MACF1: variants seen among roughly 807,000 people sequenced by gnomAD.
MACF1 encodes the protein microtubule-actin cross-linking factor 1.
A neutral mutation model predicts 854.8 loss-of-function variants in MACF1; 193 were observed. The observed-to-expected ratio is 0.23, with a 90% CI of 0.20 to 0.25. The LOEUF (loss-of-function observed/expected upper bound fraction) is 0.25. Ranked by LOEUF, MACF1 falls within the 10% of genes least tolerant of loss-of-function variation. The pLI, the probability that MACF1 is intolerant of heterozygous loss-of-function variation, is 1.00. For synonymous variants in MACF1, 3,185 were observed against 3,226.7 expected (o/e 0.99, Z 0.44); for missense variants, 7,722 against 8,929.1 (o/e 0.86, Z 5.45).
intron 52 of MACF1, among the ~76,000 whole-genome samples, chr1:39,374,682 G>C (rs12068102): frequency 2.1e-3 from 317 of 152,188 alleles, no homozygotes; most frequent in African/African-American, 7.2e-3. Flanking sequence ...GTAAAACTTT[G>C]TTGAAACAAA....
chr1:39,298,365 A>G (rs1645968273), intron 21 of MACF1, among the ~76,000 whole-genome samples: 2 of 152,168 alleles, frequency 1.3e-5, no homozygotes, highest in South Asian at 2.1e-4. Flanking sequence ...TCTCCAATGA[A>G]TTATTTCTTC....
intron 36 of MACF1, among the ~76,000 whole-genome samples, chr1:39,329,018 A>G (rs1052646349): frequency 3.9e-5 from 6 of 152,230 alleles, no homozygotes; most frequent in African/African-American, 1.4e-4. Flanking sequence ...ATAGTCTTTC[A>G]TGGATTTTCT....
At chr1:39,158,814 TGGTGAC>T (rs1643740557) in intron 2 of MACF1, among the ~76,000 whole-genome samples, 1 of 152,162 alleles carries the variant, frequency 6.6e-6, no homozygotes, top group African/African-American at 2.4e-5. Flanking sequence ...GAGGCTTCTC[TGGTGAC>T]GTCACTTGTA....
intron 2 of MACF1, among the ~76,000 whole-genome samples, chr1:39,148,894 T>C (rs530156223): frequency 6.6e-6 from 1 of 152,246 alleles, no homozygotes; most frequent in Non-Finnish European, 1.5e-5. Flanking sequence ...ACCATGTGGT[T>C]GGGTTTTACA....
At chr1:39,190,395 G>GTTTTTTTTTTTTTT (rs750262685) in intron 2 of MACF1, among the ~76,000 whole-genome samples, 10 of 79,030 alleles carry the variant, frequency 1.3e-4, no homozygotes, top group Admixed American at 3.6e-4. Context: ...GTGTGTGTTT[G>GTTTTTTTTTTTTTT]TTTTTGTTTT....
intron 72 of MACF1, among the ~76,000 whole-genome samples, chr1:39,439,940 GA>G (rs1170614480): frequency 2.0e-5 from 3 of 151,350 alleles, no homozygotes; most frequent in Non-Finnish European, 4.4e-5. Context: ...TTCTCCAATT[GA>G]AAAAAACCTG....
rs550326338 is a variant in MACF1 at position 39,481,099 on chromosome 1, C to A, written c.22281+69C>A. 93 of 920,498 alleles carry A rather than the reference C, an allele frequency of 1.0e-4. 1 individual carries two copies. The African/African-American group carries it at 1.2e-3, about 12-fold the overall frequency. The allele number at this position is 920,498 out of a possible 1,614,324, so 57.0% of individuals were successfully genotyped here. ...CCCTCGCTACTGGACTTGACCAGCT[C>A]TTCTTCCTGACACGAATCCCTGCAC... On this transcript the variant is annotated intron_variant, in intron 99 of 100. Coordinates refer to ENST00000564288, the MANE Select transcript of MACF1 (RefSeq NM_001394062.1).
intron 2 of MACF1, among the ~76,000 whole-genome samples, chr1:39,193,396 G>A (rs188217893): frequency 2.0e-5 from 3 of 152,218 alleles, no homozygotes; most frequent in Admixed American, 1.3e-4. Context: ...CAATGCTGTC[G>A]AAGCCTAATT....
In MACF1 at chr1:39,444,672, C is replaced by G. The variant is rs1011020943; in HGVS notation, c.19442C>G (p.Ser6481Cys). 1 of 1,610,618 alleles carries G rather than the reference C, an allele frequency of 6.2e-7. No homozygotes were observed. Among genetic ancestry groups the G allele is most frequent in the East Asian group, 2.2e-5 (1 of 44,830 alleles). ...EQLDTHMELY[S>C]QLKAKEETYN... ...TGCCTTTTCTTGTAGGAACTCTATT[C>G]CCAGCTGAAAGCCAAGGAAGAGACT... The change falls in exon 80 of 101, where the codon TCC (serine) becomes TGC (cysteine). Residue 6481 changes from serine to cysteine, a missense_variant. Ser to Cys is a moderately radical substitution (Grantham distance 112). Coordinates refer to ENST00000564288, the MANE Select transcript of MACF1 (RefSeq NM_001394062.1).
chr1:39,190,395 GTTTTTGTTTTTTT>G, intron 2 of MACF1, among the ~76,000 whole-genome samples: 1 of 79,058 alleles, frequency 1.3e-5, no homozygotes, highest in South Asian at 5.2e-4. Flanking sequence ...GTGTGTGTTT[GTTTTTGTTTTTTT>G]TTTTTTTTTT....
At chr1:39,285,880 A>G in intron 14 of MACF1, 122 bp downstream of exon 14, 2 of 1,074,880 alleles carry the variant, frequency 1.9e-6, no homozygotes, top group Admixed American at 2.2e-5. Flanking sequence ...CAGTGTCTCA[A>G]TGGGGATACT....
At chr1:39,443,358 A>G in intron 78 of MACF1, 88 bp from the exon 79 acceptor site, 2 of 1,430,654 alleles carry the variant, frequency 1.4e-6, no homozygotes, top group Middle Eastern at 1.8e-4. Flanking sequence ...TTCCTTCCTC[A>G]AGATAAACTC....
chr1:39,326,300 A>G (rs957225775), intron 35 of MACF1, among the ~76,000 whole-genome samples: 8 of 152,206 alleles, frequency 5.3e-5, no homozygotes, highest in African/African-American at 1.9e-4. Flanking sequence ...AGAGGTGGTT[A>G]CCTTTGGGAA....
intron 25 of MACF1, 99 bp downstream of exon 25, chr1:39,310,527 C>A: frequency 7.7e-7 from 1 of 1,294,988 alleles, no homozygotes. Flanking sequence ...AACATCACCA[C>A]TTTTTTCCAT....
chr1:39,394,873 C>T (rs533010783), intron 58 of MACF1, among the ~76,000 whole-genome samples: 1 of 152,228 alleles, frequency 6.6e-6, no homozygotes, highest in South Asian at 2.1e-4. Context: ...GTTTAGGTTT[C>T]CCCAGCTTTA....
intron 1 of MACF1, among the ~76,000 whole-genome samples, chr1:39,218,299 A>C (rs1173101484): frequency 6.6e-6 from 1 of 152,204 alleles, no homozygotes; most frequent in Non-Finnish European, 1.5e-5. Context: ...TGGAGATAAA[A>C]ATAAAATTTT....
intron 90 of MACF1, 179 bp downstream of exon 90, chr1:39,458,669 A>G (rs1337226739): frequency 2.7e-6 from 2 of 733,000 alleles, no homozygotes; most frequent in African/African-American, 1.8e-5. Flanking sequence ...GCTGTACTCC[A>G]TATTCTTTGG....
chr1:39,460,903 G>A lies in MACF1; in HGVS notation c.21523+109G>A. Reference sequence around the variant, plus strand: ...CTTTCTGAAGCTGGCCAGGAGCTTGGCTCACACCTGTAATTCCAGCACTTT... The same window carrying A: ...CTTTCTGAAGCTGGCCAGGAGCTTGACTCACACCTGTAATTCCAGCACTTT... On this transcript the variant is annotated intron_variant, in intron 92 of 100. Transcript: ENST00000564288. The surrounding 1 kb of genome is among the most constrained non-coding windows in gnomAD (Gnocchi z 4.1). The A allele has an allele frequency of 7.9e-7, 1 of 1,260,544 alleles. No homozygotes were observed. The highest frequency in any genetic ancestry group is 1.1e-6 in the Non-Finnish European group (1 of 885,972). 78.1% of individuals were successfully genotyped at this position (1,260,544 alleles called of 1,614,324 possible). A position where few individuals can be genotyped will look rare whatever the true frequency, so the allele number is the denominator to read the frequency against.
intron 43 of MACF1, among the ~76,000 whole-genome samples, chr1:39,351,581 CT>C (rs36123797): frequency 0.019 from 1,637 of 85,894 alleles, 8 homozygotes; most frequent in African/African-American, 0.042. Flanking sequence ...AAGCAAATGG[CT>C]TTTTTTTTTT....
Sources: gnomAD v4.1 joint callset for allele counts (sites outside exome capture counted in the v4.1 genomes callset) on GRCh38, gnomAD v4.1.1 for gene constraint, Gnocchi (gnomAD v3.1) non-coding constraint, MANE v1.5 for transcripts, NCBI Gene and HGNC (gene_info 2026-07-23, HGNC 2026-07-21) for gene names.